The following SGCD variants were observed in gnomAD, a reference collection of about 807,000 sequenced individuals.
SGCD encodes the protein sarcoglycan delta.
A neutral mutation model predicts 36.6 loss-of-function variants in SGCD; 18 were observed. The ratio of observed to expected loss-of-function variants is 0.49; its 90% CI spans 0.34 to 0.73. SGCD has a LOEUF of 0.73. SGCD is among the 30% of genes least tolerant of loss of function. SGCD has a pLI of 0.01. For missense variants in SGCD, 387 were observed against 346.7 expected (o/e 1.12, Z -0.92); for synonymous variants, 133 against 130.6 (o/e 1.02, Z -0.12).
chr5:156,449,557 C>T (rs1489392459), intron 3 of SGCD, among the ~76,000 whole-genome samples: 1 of 151,238 alleles, frequency 6.6e-6, no homozygotes, highest in East Asian at 2.0e-4. Flanking sequence ...GAAGGCCAGG[C>T]TTGGTAGCTC....
At chr5:156,020,406 T>G (rs899678603) in intron 1 of SGCD, among the ~76,000 whole-genome samples, 13 of 152,348 alleles carry the variant, frequency 8.5e-5, no homozygotes, top group African/African-American at 3.1e-4. Context: ...CACTTGGTTT[T>G]TGAATAGCCT....
upstream of SGCD, among the ~76,000 whole-genome samples, chr5:155,869,914 G>A (rs1294893961): frequency 2.6e-5 from 4 of 152,222 alleles, no homozygotes; most frequent in East Asian, 1.9e-4. Flanking sequence ...CAGGAGAATC[G>A]CTTGAACCCG....
chr5:155,843,781 C>T, the SGCD span, among the ~76,000 whole-genome samples: 1 of 152,168 alleles, frequency 6.6e-6, no homozygotes, highest in Non-Finnish European at 1.5e-5. Flanking sequence ...ATGATGAAGC[C>T]TCAAGGCTGG....
At chr5:156,037,926 C>T (rs748819495) in intron 1 of SGCD, among the ~76,000 whole-genome samples, 1 of 152,070 alleles carries the variant, frequency 6.6e-6, no homozygotes, top group Non-Finnish European at 1.5e-5. Flanking sequence ...GGCAAAAATG[C>T]AGGCAATGAA....
chr5:155,755,490 G>C, the SGCD span, among the ~76,000 whole-genome samples: 7 of 152,200 alleles, frequency 4.6e-5, no homozygotes, highest in Non-Finnish European at 8.8e-5. Context: ...TTGGCTCTTT[G>C]CTGTAAATCA....
At chr5:155,927,384 A>G (rs1399675938) in intron 1 of SGCD, among the ~76,000 whole-genome samples, 3 of 152,152 alleles carry the variant, frequency 2.0e-5, no homozygotes. Context: ...TCTGTAGTTG[A>G]ACAAGTTGGA....
At chr5:156,140,655 G>A (rs1265200433) in intron 3 of SGCD, among the ~76,000 whole-genome samples, 2 of 152,082 alleles carry the variant, frequency 1.3e-5, no homozygotes, top group African/African-American at 4.8e-5. Context: ...AGTAAAATAT[G>A]AGAATAGAAA....
intron 7 of SGCD, among the ~76,000 whole-genome samples, chr5:156,665,419 G>A (rs1267050976): frequency 2.0e-5 from 3 of 152,274 alleles, no homozygotes; most frequent in Non-Finnish European, 4.4e-5. Context: ...TTTTTTCCTT[G>A]TGTTTTCATT....
intron 6 of SGCD, among the ~76,000 whole-genome samples, chr5:156,624,650 T>A (rs2113511092): frequency 6.6e-6 from 1 of 152,282 alleles, no homozygotes; most frequent in South Asian, 2.1e-4. Context: ...CAACTGAAGT[T>A]TACAAATTTA....
chr5:156,560,162 A>G (rs1759210933), intron 4 of SGCD, among the ~76,000 whole-genome samples: 1 of 152,216 alleles, frequency 6.6e-6, no homozygotes, highest in African/African-American at 2.4e-5. Flanking sequence ...ATTACAAAAC[A>G]ATTAAAGAAT....
chr5:155,945,422 C>T (rs1757419515), intron 1 of SGCD, among the ~76,000 whole-genome samples: 1 of 152,152 alleles, frequency 6.6e-6, no homozygotes. Context: ...TAGAGATGAT[C>T]CCTTCCACTC....
intron 3 of SGCD, among the ~76,000 whole-genome samples, chr5:156,317,840 TAGTG>T (rs1237417666): frequency 2.6e-5 from 4 of 152,184 alleles, no homozygotes; most frequent in African/African-American, 4.8e-5. Context: ...GATAAGATCT[TAGTG>T]AGAGAGGATG....
intron 7 of SGCD, among the ~76,000 whole-genome samples, chr5:156,682,257 A>G (rs986218250): frequency 6.6e-6 from 1 of 152,262 alleles, no homozygotes; most frequent in Non-Finnish European, 1.5e-5. Context: ...CTATAATAGC[A>G]TAAAATACAC....
chr5:155,921,604 G>A (rs1756881167), intron 1 of SGCD, among the ~76,000 whole-genome samples: 1 of 152,224 alleles, frequency 6.6e-6, no homozygotes, highest in Non-Finnish European at 1.5e-5. Context: ...GTGTCAGTGC[G>A]AGACAGATTC....
chr5:156,577,717 T>G (rs1376320849), intron 4 of SGCD, among the ~76,000 whole-genome samples: 2 of 152,220 alleles, frequency 1.3e-5, no homozygotes, highest in African/African-American at 2.4e-5. Context: ...GCTCTGTGTT[T>G]GTCTATTATT....
chr5:155,985,976 G>A (rs1758320341), intron 1 of SGCD, among the ~76,000 whole-genome samples: 1 of 152,056 alleles, frequency 6.6e-6, no homozygotes, highest in South Asian at 2.1e-4. Flanking sequence ...TCTCCTGGTG[G>A]TCTAAAACTT....
chr5:156,603,346 T>C (rs577091988), intron 6 of SGCD, among the ~76,000 whole-genome samples: 13 of 152,210 alleles, frequency 8.5e-5, no homozygotes, highest in African/African-American at 3.1e-4. Context: ...TCTAGCTAAA[T>C]ATTTGTCAAT....
At chr5:155,849,887 C>A in the SGCD span, among the ~76,000 whole-genome samples, 1 of 152,160 alleles carries the variant, frequency 6.6e-6, no homozygotes, top group Admixed American at 6.5e-5. Flanking sequence ...AGAAAATGAC[C>A]TTGAATGAGT....
intron 1 of SGCD, among the ~76,000 whole-genome samples, chr5:156,068,036 A>G (rs1467530304): frequency 1.3e-5 from 2 of 151,566 alleles, no homozygotes; most frequent in African/African-American, 2.4e-5. Context: ...ACTGACCAAC[A>G]GTCTTCACTG....
Sources: gnomAD v4.1 joint callset for allele counts (sites outside exome capture counted in the v4.1 genomes callset) on GRCh38, gnomAD v4.1.1 for gene constraint, MANE v1.5 for transcripts, NCBI Gene and HGNC (gene_info 2026-07-23, HGNC 2026-07-21) for gene names.